Variants in NF1 observed in about 807,000 individuals in gnomAD.
NF1 encodes neurofibromin.
A neutral mutation model predicts 325.7 loss-of-function variants in NF1; 122 were observed. The observed-to-expected ratio is 0.37, with a 90% confidence interval of 0.32 to 0.44. The LOEUF is 0.44. Among genes scored for constraint, NF1 ranks in the 20% least tolerant of loss-of-function variants. NF1 has a pLI of 1.00. For synonymous variants in NF1, 1,091 were observed against 1,186.0 expected (o/e 0.92, Z 1.65); for missense variants, 2,140 against 3,415.4 (o/e 0.63, Z 9.31).
At position 31,338,922 on chromosome 17, in the gene NF1, A is replaced by G. The variant is rs17881963; in HGVS notation, c.6921+117A>G. 2,024 of 736,670 alleles carry G rather than the reference A, an allele frequency of 2.7e-3. 31 individuals are homozygous for G. In the African/African-American group the frequency reaches 0.032, roughly 12 times the overall value. 45.6% of individuals were successfully genotyped at this position (736,670 alleles called of 1,614,324 possible). ...GAGAATAAGTTATAAAGAAAAAACT[A>G]TAGTTAAAGTAGAACCTCTTAAAGT... On this transcript the variant is annotated intron_variant, in intron 46 of 57. Coordinates refer to ENST00000358273, the MANE Select transcript of NF1 (RefSeq NM_001042492.3).
At chr17:31,300,446 A>G (rs2068550392) in intron 36 of NF1, among the ~76,000 whole-genome samples, 1 of 152,046 alleles carries the variant, frequency 6.6e-6, no homozygotes, top group African/African-American at 2.4e-5. Context: ...TTCTTACTGT[A>G]TCTTGAGTAT....
intron 12 of NF1, among the ~76,000 whole-genome samples, chr17:31,211,640 G>C (rs1365462558): frequency 6.6e-6 from 1 of 152,148 alleles, no homozygotes; most frequent in Non-Finnish European, 1.5e-5. Flanking sequence ...TGCAAACCTA[G>C]ACTAAACAGC....
At chr17:31,116,885 G>A (rs1332299667) in intron 1 of NF1, among the ~76,000 whole-genome samples, 1 of 150,864 alleles carries the variant, frequency 6.6e-6, no homozygotes, top group Non-Finnish European at 1.5e-5. Flanking sequence ...CGCTGTGTTA[G>A]CCAGGATGGT....
At chr17:31,174,907 G>A (rs1050314431) in intron 5 of NF1, among the ~76,000 whole-genome samples, 1 of 151,934 alleles carries the variant, frequency 6.6e-6, no homozygotes, top group African/African-American at 2.4e-5. Flanking sequence ...TCAGGAGTTC[G>A]AGACCAGCCT....
At chr17:31,167,661 T>C (rs571367958) in intron 4 of NF1, among the ~76,000 whole-genome samples, 1 of 152,224 alleles carries the variant, frequency 6.6e-6, no homozygotes, top group Non-Finnish European at 1.5e-5. Flanking sequence ...CATGATTTAA[T>C]AGATTAGCAA....
At chr17:31,176,355 G>T (rs1293686725) in intron 5 of NF1, among the ~76,000 whole-genome samples, 12 of 152,090 alleles carry the variant, frequency 7.9e-5, no homozygotes, top group African/African-American at 1.4e-4. Context: ...TTTTAATGGG[G>T]TTGTTTGTGT....
At chr17:31,332,436 C>T (rs1213487477) in intron 39 of NF1, among the ~76,000 whole-genome samples, 1 of 151,990 alleles carries the variant, frequency 6.6e-6, no homozygotes, top group East Asian at 1.9e-4. Context: ...TGCACTCCAG[C>T]CTGGGCAACA....
chr17:31,304,944 A>G lies in NF1; in HGVS notation c.4836-20876A>G, dbSNP rs143642186. ...GTTTCCTTAAGCATTTCCAAAGTAC[A>G]ATGATGATTATAGCTACCAACATAG... is the stretch of plus-strand genomic sequence containing the variant. On this transcript the variant is annotated intron_variant, in intron 36 of 57. Transcript: ENST00000358273. 54 of 1,614,030 alleles carry G rather than the reference A, an allele frequency of 3.3e-5. No individual in the cohort carries two copies. In the Middle Eastern group the frequency reaches 4.9e-4, roughly 15 times the overall value.
chr17:31,345,861 C>T (rs1478279977), intron 48 of NF1: 1 of 1,607,916 alleles, frequency 6.2e-7, no homozygotes, highest in East Asian at 2.2e-5. Context: ...TTTGAATATT[C>T]CATTTGAAAC....
chr17:31,180,328 G>A (rs985232703), intron 5 of NF1, among the ~76,000 whole-genome samples: 1 of 152,108 alleles, frequency 6.6e-6, no homozygotes, highest in African/African-American at 2.4e-5. Context: ...GATGAACATC[G>A]ATGCAAAAAT....
In NF1 at chr17:31,327,483, C is replaced by G. The variant is rs2151540695; in HGVS notation, c.5269-16C>G. On this transcript the variant is annotated splice_polypyrimidine_tract_variant and intron_variant, in intron 37 of 57. Transcript: ENST00000358273. ...TTAATTCTTCTCCACTTCACCCCGT[C>G]ACCACCACTTTCCAGGTTGGTTCTA... The G allele has an allele frequency of 6.2e-7, 1 of 1,603,012 alleles. No individual in the cohort carries two copies. Among genetic ancestry groups the G allele is most frequent in the African/African-American group, 1.3e-5 (1 of 74,808 alleles).
chr17:31,259,143 C>G lies in NF1; in HGVS notation c.4430+14C>G. 6.4e-7 allele frequency: 1 copy of G among 1,551,478 alleles called. No homozygotes were observed. The highest frequency in any genetic ancestry group is 8.9e-7 in the Non-Finnish European group (1 of 1,129,646). ...TGCAGCACGCAGGTAATTTTCTTGC[C>G]ACTTACTCAGTTGCTCTGTTTGAAT... On this transcript the variant is annotated intron_variant, in intron 33 of 57. Coordinates refer to ENST00000358273, the MANE Select transcript of NF1 (RefSeq NM_001042492.3).
intron 15 of NF1, chr17:31,222,503 A>G (rs564655340): frequency 1.9e-6 from 2 of 1,028,102 alleles, no homozygotes; most frequent in East Asian, 1.3e-4. Context: ...ATTATCTTAT[A>G]AGAATGGGTG....
chr17:31,295,498 G>A, intron 36 of NF1: 1 of 1,614,158 alleles, frequency 6.2e-7, no homozygotes, highest in South Asian at 1.1e-5. Flanking sequence ...CACTTACAGT[G>A]AATAAGCTTG....
intron 1 of NF1, among the ~76,000 whole-genome samples, chr17:31,113,394 T>C: frequency 6.6e-6 from 1 of 152,080 alleles, no homozygotes; most frequent in East Asian, 1.9e-4. Flanking sequence ...TACAGGTACA[T>C]GCCACCACGC....
At chr17:31,148,625 C>T (rs1255209142) in intron 1 of NF1, among the ~76,000 whole-genome samples, 1 of 152,044 alleles carries the variant, frequency 6.6e-6, no homozygotes, top group Non-Finnish European at 1.5e-5. Context: ...CATATAGATA[C>T]TTCTATTTCA....
At chr17:31,360,805 T>G (rs1450227871) in intron 57 of NF1, 102 bp downstream of exon 57, 12 of 991,178 alleles carry the variant, frequency 1.2e-5, no homozygotes, top group Non-Finnish European at 1.9e-5. Flanking sequence ...CTCCTTTTTC[T>G]TATGAGATTC....
intron 36 of NF1, chr17:31,305,595 A>T (rs1273113060): frequency 6.2e-7 from 1 of 1,612,322 alleles, no homozygotes; most frequent in Non-Finnish European, 8.5e-7. Context: ...TTAAGATGAA[A>T]TATTTGGGAT....
chr17:31,218,712 C>G (rs947349816), intron 13 of NF1, among the ~76,000 whole-genome samples: 3 of 152,146 alleles, frequency 2.0e-5, no homozygotes, highest in African/African-American at 7.2e-5. Context: ...GCTGGGACCA[C>G]AGGCGCATGC....
Sources: allele counts gnomAD v4.1 joint callset (sites outside exome capture counted in the v4.1 genomes callset), GRCh38; gene constraint gnomAD v4.1.1; transcripts MANE v1.5; gene names NCBI Gene and HGNC (gene_info 2026-07-23, HGNC 2026-07-21).